Variants in RPP30 observed in about 807,000 individuals in gnomAD.
RPP30 encodes the protein ribonuclease P/MRP subunit p30.
A neutral mutation model predicts 38.6 loss-of-function variants in RPP30; 36 were observed. The observed-to-expected ratio is 0.93, with a 90% CI of 0.71 to 1.23. RPP30 has a LOEUF of 1.23. Ranked by LOEUF, RPP30 falls within the 50% of genes most tolerant of loss-of-function variation. The probability of loss-of-function intolerance (pLI) is 0.00; values close to 1 mark genes in which losing one functional copy is unlikely to be tolerated. For missense variants in RPP30, 321 were observed against 321.7 expected (o/e 1.00, Z 0.02); for synonymous variants, 126 against 112.7 (o/e 1.12, Z -0.75).
chr10:90,904,682 C>T (rs1299260413), downstream of RPP30, among the ~76,000 whole-genome samples: 2 of 152,024 alleles, frequency 1.3e-5, no homozygotes, highest in Non-Finnish European at 2.9e-5. Flanking sequence ...CATGGTGGCC[C>T]ATGACTGTAA....
At chr10:90,899,801 T>G (rs1201680759) in intron 10 of RPP30, among the ~76,000 whole-genome samples, 1 of 152,234 alleles carries the variant, frequency 6.6e-6, no homozygotes, top group Non-Finnish European at 1.5e-5. Flanking sequence ...ATTCCTATTA[T>G]ATTTGCTCTT....
intron 5 of RPP30, 51 bp downstream of exon 5, chr10:90,879,185 G>A (rs745437678): frequency 7.0e-7 from 1 of 1,423,224 alleles, no homozygotes; most frequent in Non-Finnish European, 9.8e-7. Flanking sequence ...TATATAAGAA[G>A]TCTGATGTTC....
chr10:90,891,443 C>A (rs1847080737), intron 6 of RPP30, among the ~76,000 whole-genome samples: 1 of 152,182 alleles, frequency 6.6e-6, no homozygotes, highest in African/African-American at 2.4e-5. Flanking sequence ...GACCCTATTT[C>A]CAAATATAAG....
At chr10:90,898,663 A>G (rs1245295507) in intron 10 of RPP30, among the ~76,000 whole-genome samples, 2 of 152,184 alleles carry the variant, frequency 1.3e-5, no homozygotes, top group East Asian at 3.8e-4. Flanking sequence ...GGTGGTGCAG[A>G]CATGGATACC....
At chr10:90,890,070 T>C (rs1236498609) in intron 6 of RPP30, among the ~76,000 whole-genome samples, 1 of 152,242 alleles carries the variant, frequency 6.6e-6, no homozygotes, top group Non-Finnish European at 1.5e-5. Context: ...ATGCAGGTAA[T>C]ACAGTAGAAT....
intron 5 of RPP30, among the ~76,000 whole-genome samples, chr10:90,882,136 G>T (rs1175785922): frequency 6.6e-6 from 1 of 152,086 alleles, no homozygotes; most frequent in Non-Finnish European, 1.5e-5. Flanking sequence ...GAAGCTTCTG[G>T]AGCTTCTGGA....
rs767244151 is a variant in RPP30, at chr10:90,879,085, G to A, written c.293G>A (p.Arg98Gln). The A allele has an allele frequency of 9.3e-6, 15 of 1,613,814 alleles. No homozygotes were observed. The East Asian group carries it at 1.1e-4, about 12-fold the overall frequency. The change falls in exon 5 of 11, where the codon CGG (arginine) becomes CAG (glutamine). Residue 98 changes from arginine (R) to glutamine (Q), a missense_variant. By Grantham distance (43) the Arg-to-Gln change is conservative. Transcript: ENST00000371703. Reference protein sequence around the residue: ...NVLRATSSRARLYDVVAVFPK... With the variant: ...NVLRATSSRAQLYDVVAVFPK... ...TAGAGAGCAACTTCTTCAAGGGCCC[G>A]GCTCTATGATGTTGTTGCAGTTTTT...
intron 6 of RPP30, among the ~76,000 whole-genome samples, chr10:90,887,713 C>T (rs1050120695): frequency 2.0e-5 from 3 of 152,124 alleles, no homozygotes; most frequent in African/African-American, 4.8e-5. Flanking sequence ...TACTAGTGAA[C>T]ATAACAATAT....
At chr10:90,899,042 G>A (rs921159271) in intron 10 of RPP30, among the ~76,000 whole-genome samples, 21 of 152,142 alleles carry the variant, frequency 1.4e-4, no homozygotes, top group South Asian at 2.1e-4. Context: ...CAAATGTAAC[G>A]TCTTGCTGTT....
At position 90,900,601 on chromosome 10, in the gene RPP30, TA is replaced by T. The variant is rs1564716198; in HGVS notation, c.730del (p.Thr244GlnfsTer2). On this transcript the variant is annotated frameshift_variant, in exon 11 of 11. Coordinates refer to ENST00000371703, the MANE Select transcript of RPP30 (RefSeq NM_006413.5). LOFTEE classifies it high-confidence loss of function. ...GAAAAACTGCTTTTGGAATTATCTC[TA>T]CAGTGAAGAAACCTCGGCCATCAGA... Reference protein sequence around the residue: ...TRKTAFGIISTVKKPRPSEGD... With the variant: ...TRKTAFGIISXVKKPRPSEGD... 1 of 1,613,502 alleles carries T rather than the reference TA, an allele frequency of 6.2e-7. No homozygotes were observed. Among genetic ancestry groups the T allele is most frequent in the South Asian group, 1.1e-5 (1 of 90,884 alleles).
chr10:90,892,876 A>G (rs1471517039), intron 6 of RPP30, among the ~76,000 whole-genome samples: 1 of 152,232 alleles, frequency 6.6e-6, no homozygotes, highest in Admixed American at 6.5e-5. Flanking sequence ...CATCTTCTCC[A>G]TAAGCTGCTA....
chr10:90,896,088 TTTAA>T (rs1249700359), intron 9 of RPP30, among the ~76,000 whole-genome samples, 171 bp downstream of exon 9: 1 of 152,226 alleles, frequency 6.6e-6, no homozygotes, highest in Non-Finnish European at 1.5e-5. Flanking sequence ...GCTTCTGTTT[TTTAA>T]TTAATCATGA....
rs765446601 is a variant in RPP30, at chr10:90,885,858, CAG to C, written c.393_394del (p.Lys132ThrfsTer11). The C allele has an allele frequency of 6.2e-7, 1 of 1,611,068 alleles. No individual in the cohort carries two copies. Among genetic ancestry groups the C allele is most frequent in the Admixed American group, 1.7e-5 (1 of 59,630 alleles). On this transcript the variant is annotated frameshift_variant, in exon 6 of 11. Coordinates refer to ENST00000371703, the MANE Select transcript of RPP30 (RefSeq NM_006413.5). LOFTEE classifies it high-confidence loss of function. ...GTGGATTTAGTCTGCATAACTGTAA[CAG>C]AGAAACTACCATTTTACTTCAAAAG... is the stretch of plus-strand genomic sequence containing the variant.
downstream of RPP30, among the ~76,000 whole-genome samples, chr10:90,906,301 G>T (rs1254210192): frequency 1.3e-5 from 2 of 152,218 alleles, no homozygotes; most frequent in African/African-American, 4.8e-5. Context: ...CGTGGAGTGG[G>T]CTGTAGTGGG....
chr10:90,894,976 T>C (rs1479937936), intron 7 of RPP30, 85 bp downstream of exon 7: 1 of 944,314 alleles, frequency 1.1e-6, no homozygotes, highest in East Asian at 2.4e-5. Context: ...TGACTCCTTT[T>C]CCTTAAAGCA....
At position 90,900,732 on chromosome 10, in the gene RPP30, C is replaced by A; in HGVS notation, c.*53C>A. The stretch of plus-strand genomic sequence containing the variant: ...TCCCTTCTTCCCTTTTATAGTTCAT[C>A]AGCCACAACAAAAATAAAACCTTTG... On this transcript the variant is annotated 3_prime_UTR_variant, in exon 11 of 11. Coordinates refer to ENST00000371703, the MANE Select transcript of RPP30 (RefSeq NM_006413.5). 6.4e-7 allele frequency: 1 copy of A among 1,564,156 alleles called. No homozygotes were observed.
At chr10:90,906,421 G>A (rs1012307947), downstream of RPP30, among the ~76,000 whole-genome samples, 1 of 152,194 alleles carries the variant, frequency 6.6e-6, no homozygotes, top group Non-Finnish European at 1.5e-5. Context: ...AGTTTGGCTA[G>A]GAAGGTTATG....
At chr10:90,882,816 G>C (rs987766685) in intron 5 of RPP30, among the ~76,000 whole-genome samples, 2 of 152,154 alleles carry the variant, frequency 1.3e-5, no homozygotes, top group African/African-American at 4.8e-5. Flanking sequence ...AAAAATAAAA[G>C]TAAATGGAAA....
At chr10:90,887,022 C>CAGTG (rs1847010382) in intron 6 of RPP30, among the ~76,000 whole-genome samples, 1 of 152,114 alleles carries the variant, frequency 6.6e-6, no homozygotes, top group African/African-American at 2.4e-5. Flanking sequence ...AGCTAGAGTG[C>CAGTG]AGTGGCATGA....
Sources: gnomAD v4.1 joint callset for allele counts (sites outside exome capture counted in the v4.1 genomes callset) on GRCh38, gnomAD v4.1.1 for gene constraint, MANE v1.5 for transcripts, NCBI Gene and HGNC (gene_info 2026-07-23, HGNC 2026-07-21) for gene names.